The following MAF variants were observed in gnomAD, a reference collection of about 807,000 sequenced individuals.
MAF encodes MAF bZIP transcription factor, also known as transcription factor Maf.
Under a neutral mutation model 22.0 loss-of-function variants are expected in MAF, and 10 were observed. That is an observed-to-expected ratio of 0.45 (90% CI 0.28 to 0.77). The LOEUF is 0.77. Ranked by LOEUF, MAF falls within the 30% of genes least tolerant of loss-of-function variation. The pLI, the probability that MAF is intolerant of heterozygous loss-of-function variation, is 0.12. For missense variants in MAF, 544 were observed against 548.4 expected (o/e 0.99, Z 0.08); for synonymous variants, 337 against 255.8 (o/e 1.32, Z -3.03).
chr16:79,392,270 G>A, the MAF span, among the ~76,000 whole-genome samples: 4 of 147,392 alleles, frequency 2.7e-5, no homozygotes, highest in African/African-American at 1.0e-4. Flanking sequence ...GTAGAAGGAG[G>A]AGGAGAGAAG....
At chr16:79,419,399 G>A in the MAF span, among the ~76,000 whole-genome samples, 1 of 152,192 alleles carries the variant, frequency 6.6e-6, no homozygotes, top group Non-Finnish European at 1.5e-5. Context: ...GGACACAAGA[G>A]GAAGTGGAAA....
chr16:79,511,703 T>A, the MAF span, among the ~76,000 whole-genome samples: 6 of 152,278 alleles, frequency 3.9e-5, no homozygotes, highest in East Asian at 9.7e-4. Flanking sequence ...CAGTAGCCCA[T>A]TGGGCCTGCA....
the MAF span, among the ~76,000 whole-genome samples, chr16:79,460,892 C>T: frequency 7.2e-5 from 11 of 152,150 alleles, no homozygotes; most frequent in Non-Finnish European, 1.5e-4. Context: ...TGTAGATGAT[C>T]GATTTCACAA....
chr16:79,386,995 T>C, the MAF span, among the ~76,000 whole-genome samples: 1 of 152,224 alleles, frequency 6.6e-6, no homozygotes, highest in Non-Finnish European at 1.5e-5. Context: ...TGCTTAACAA[T>C]TTAACTATAC....
At chr16:79,449,821 G>A in the MAF span, among the ~76,000 whole-genome samples, 2 of 152,160 alleles carry the variant, frequency 1.3e-5, no homozygotes, top group African/African-American at 4.8e-5. Context: ...AGATCCCCCA[G>A]GTAACTCTAG....
At chr16:79,293,230 G>C in the MAF span, among the ~76,000 whole-genome samples, 1 of 152,080 alleles carries the variant, frequency 6.6e-6, no homozygotes, top group African/African-American at 2.4e-5. Flanking sequence ...ACCAACTCCT[G>C]GGGTGTCCCA....
the MAF span, among the ~76,000 whole-genome samples, chr16:79,414,219 C>G: frequency 6.6e-6 from 1 of 152,132 alleles, no homozygotes; most frequent in African/African-American, 2.4e-5. Flanking sequence ...AAAGGAGTAC[C>G]TGAGGATGGG....
At chr16:79,305,427 G>A in the MAF span, among the ~76,000 whole-genome samples, 5 of 152,292 alleles carry the variant, frequency 3.3e-5, no homozygotes, top group South Asian at 1.0e-3. Flanking sequence ...AGTGCTGGAT[G>A]CTTTTCCTCC....
At chr16:79,596,250 A>G in intron 1 of MAF, 1 of 1,059,816 alleles carries the variant, frequency 9.4e-7, no homozygotes, top group Non-Finnish European at 1.1e-6. Flanking sequence ...TGAAAACTGA[A>G]AACTTTGGGG....
At chr16:79,221,715 ATGTGTG>A in the MAF span, among the ~76,000 whole-genome samples, 3 of 151,626 alleles carry the variant, frequency 2.0e-5, no homozygotes, top group East Asian at 1.9e-4. Flanking sequence ...GTGATTGTGT[ATGTGTG>A]TGTGTGCACG....
At chr16:79,564,971 A>G in the MAF span, among the ~76,000 whole-genome samples, 3 of 152,130 alleles carry the variant, frequency 2.0e-5, no homozygotes, top group Non-Finnish European at 4.4e-5. Flanking sequence ...CTCGAACCTT[A>G]CACATGTCTT....
chr16:79,522,945 C>T, the MAF span, among the ~76,000 whole-genome samples: 1 of 152,316 alleles, frequency 6.6e-6, no homozygotes, highest in African/African-American at 2.4e-5. Context: ...AGAGAAGAGA[C>T]ATGATGTCTT....
At chr16:79,312,330 G>A in the MAF span, among the ~76,000 whole-genome samples, 3 of 152,140 alleles carry the variant, frequency 2.0e-5, no homozygotes, top group African/African-American at 7.2e-5. Flanking sequence ...CCACATTGAT[G>A]GGTCACTGCA....
the MAF span, among the ~76,000 whole-genome samples, chr16:79,531,263 G>A: frequency 6.6e-6 from 1 of 152,138 alleles, no homozygotes; most frequent in Non-Finnish European, 1.5e-5. Flanking sequence ...GTTAAGATGA[G>A]ATAACCTCTA....
chr16:79,341,944 G>A, the MAF span, among the ~76,000 whole-genome samples: 1 of 152,350 alleles, frequency 6.6e-6, no homozygotes, highest in South Asian at 2.1e-4. Context: ...AAAGTGATGT[G>A]ATCTCTCAAC....
the MAF span, among the ~76,000 whole-genome samples, chr16:79,388,994 G>A: frequency 6.6e-6 from 1 of 152,200 alleles, no homozygotes; most frequent in Non-Finnish European, 1.5e-5. Flanking sequence ...CCCTTATGAT[G>A]TGTTTCCAGG....
At chr16:79,379,387 G>C in the MAF span, among the ~76,000 whole-genome samples, 1 of 152,088 alleles carries the variant, frequency 6.6e-6, no homozygotes, top group Non-Finnish European at 1.5e-5. Context: ...TTTTGTTGTT[G>C]CATGTATGCA....
the MAF span, among the ~76,000 whole-genome samples, chr16:79,459,935 A>G: frequency 6.6e-6 from 1 of 152,212 alleles, no homozygotes; most frequent in Admixed American, 6.5e-5. Flanking sequence ...TGGATGGATT[A>G]CATTCTTAAA....
the MAF span, among the ~76,000 whole-genome samples, chr16:79,221,309 G>C: frequency 2.6e-5 from 4 of 152,310 alleles, no homozygotes; most frequent in Admixed American, 1.3e-4. Context: ...ACTTTAGGGA[G>C]AGAGGCTGAG....
Sources: allele counts gnomAD v4.1 joint callset (sites outside exome capture counted in the v4.1 genomes callset), GRCh38; gene constraint gnomAD v4.1.1; transcripts MANE v1.5; gene names NCBI Gene and HGNC (gene_info 2026-07-23, HGNC 2026-07-21).